Variants in DNAJC9 observed in about 807,000 individuals in gnomAD.
DNAJC9 encodes DnaJ heat shock protein family (Hsp40) member C9, also known as dnaJ homolog subfamily C member 9.
In DNAJC9, 18 loss-of-function variants were observed where a neutral mutation model predicts 32.4. The observed-to-expected ratio is 0.56, with a 90% CI of 0.38 to 0.82. The LOEUF (loss-of-function observed/expected upper bound fraction) is 0.82. Ranked by LOEUF, DNAJC9 falls within the 40% of genes least tolerant of loss-of-function variation. The pLI is 0.00. For missense variants in DNAJC9, 310 were observed against 321.8 expected, an observed-to-expected ratio of 0.96 and a Z score of 0.28; for synonymous variants, 113 against 122.1, an observed-to-expected ratio of 0.93 and a Z score of 0.49.
At chr10:73,245,848 TCTA>T in intron 3 of DNAJC9, 71 bp downstream of exon 3, 1 of 1,553,690 alleles carries the variant, frequency 6.4e-7, no homozygotes, top group Non-Finnish European at 8.7e-7. Context: ...TATGTTTACT[TCTA>T]CTGCTGTAAA....
intron 3 of DNAJC9, chr10:73,244,544 T>C (rs1023615719): frequency 1.3e-5 from 2 of 148,868 alleles, no homozygotes; most frequent in Non-Finnish European, 1.5e-5. Context: ...ATTGCCAGGA[T>C]ACAGGTATTT....
At chr10:73,240,000 CTGT>C (rs2043905585), downstream of DNAJC9, among the ~76,000 whole-genome samples, 5 of 152,214 alleles carry the variant, frequency 3.3e-5, no homozygotes, top group Non-Finnish European at 7.3e-5. Flanking sequence ...TCATGGCTCA[CTGT>C]AGCCTCGAAC....
downstream of DNAJC9, chr10:73,235,567 C>T (rs1289449158): frequency 1.4e-6 from 1 of 714,272 alleles, no homozygotes; most frequent in East Asian, 4.2e-5. Context: ...TATGTCTGAC[C>T]ACAAGCAAGA....
rs761073915 is a variant in DNAJC9 at position 73,246,677 on chromosome 10, G to A, written c.321+11C>T. The A allele has an allele frequency of 6.2e-6, 10 of 1,613,748 alleles. No homozygotes were observed. The highest frequency in any genetic ancestry group is 1.3e-5 in the African/African-American group (1 of 74,910). On this transcript the variant is annotated intron_variant, in intron 2 of 4. Transcript: ENST00000372950. ...GGTAACAGTCACAAAGAAACCTCCA[G>A]AGTCCTTTACCTTTTTAAAGAGTAG...
downstream of DNAJC9, among the ~76,000 whole-genome samples, chr10:73,237,421 C>T (rs1254041234): frequency 2.7e-5 from 4 of 145,862 alleles, no homozygotes; most frequent in African/African-American, 7.5e-5. Context: ...TTCTCTGAAA[C>T]TTTTTTTTTT....
At chr10:73,236,881 A>G (rs868036962), downstream of DNAJC9, among the ~76,000 whole-genome samples, 2 of 151,104 alleles carry the variant, frequency 1.3e-5, no homozygotes, top group African/African-American at 4.9e-5. Flanking sequence ...ATGCCCTGCT[A>G]ATTTTTTTAT....
downstream of DNAJC9, among the ~76,000 whole-genome samples, chr10:73,236,754 A>T (rs1589196846): frequency 1.5e-5 from 2 of 129,220 alleles, no homozygotes; most frequent in African/African-American, 6.0e-5. Context: ...ACAGGGTCTC[A>T]CTCTGTTGCC....
intron 3 of DNAJC9, chr10:73,244,217 C>A (rs527789421): frequency 1.3e-4 from 47 of 355,902 alleles, no homozygotes; most frequent in Admixed American, 5.1e-4. Flanking sequence ...AACATGAGGC[C>A]GGGTATGGTG....
chr10:73,233,391 A>G (rs1273152639), intron 2 of DNAJC9, among the ~76,000 whole-genome samples: 1 of 151,950 alleles, frequency 6.6e-6, no homozygotes, highest in Non-Finnish European at 1.5e-5. Context: ...CCCAGGCTGG[A>G]GTGCAGTGGA....
intron 2 of DNAJC9, chr10:73,232,831 A>T (rs538787417): frequency 8.5e-5 from 57 of 668,074 alleles, no homozygotes; most frequent in Non-Finnish European, 8.9e-5. Context: ...TTTTTGCTTT[A>T]TTTCCCCCTA....
downstream of DNAJC9, chr10:73,235,609 T>A (rs978264513): frequency 5.0e-6 from 2 of 402,596 alleles, no homozygotes; most frequent in African/African-American, 4.2e-5. Flanking sequence ...CAGATAAGCA[T>A]AACTTTATTA....
chr10:73,247,069 G>A lies in DNAJC9; in HGVS notation c.121C>T (p.Gln41Ter), dbSNP rs764072358. 4 of 1,589,082 alleles carry A rather than the reference G, an allele frequency of 2.5e-6. No individual in the cohort carries two copies. The highest frequency in any genetic ancestry group is 1.3e-5 in the African/African-American group (1 of 74,268). ...VRRGYHKVSLQVHPDRVGEGD... is the reference protein window; with the variant it reads ...VRRGYHKVSL ...TCACCCACCCGGTCCGGGTGTACCT[G>A]CAGGGACACCTTGTGGTAGCCTCGT... The change falls in exon 1 of 5, where the codon CAG becomes TAG. Residue 41 changes from glutamine to a stop codon, truncating the protein, a stop_gained. Coordinates refer to ENST00000372950, the MANE Select transcript of DNAJC9 (RefSeq NM_015190.5). LOFTEE classifies it high-confidence loss of function.
chr10:73,244,637 CCAGTAGTCA>C (rs2043987445), intron 3 of DNAJC9: 1 of 150,292 alleles, frequency 6.7e-6, no homozygotes, highest in Non-Finnish European at 1.5e-5. Context: ...TGACTTCTCC[CCAGTAGTCA>C]GAAGAACCAA....
chr10:73,240,711 CT>C (rs1205778123), downstream of DNAJC9, among the ~76,000 whole-genome samples: 13 of 148,190 alleles, frequency 8.8e-5, no homozygotes, highest in African/African-American at 2.8e-4. Context: ...GAGACTCCAC[CT>C]CCAAAAAAAA....
Position 73,243,184 on chromosome 10 carries a change from T to A in DNAJC9, c.*216A>T, listed in dbSNP as rs1291283411. ...CACCCTCCCAAATGTCACCACCAAG[T>A]TCCTTCAGGTGAGACCTCACACAAT... On this transcript the variant is annotated 3_prime_UTR_variant, in exon 5 of 5. Coordinates refer to ENST00000372950, the MANE Select transcript of DNAJC9 (RefSeq NM_015190.5). 1.9e-6 allele frequency: 1 copy of A among 516,226 alleles called. No individual in the cohort carries two copies. Among genetic ancestry groups the A allele is most frequent in the Non-Finnish European group, 3.4e-6 (1 of 291,642 alleles). 32.0% of individuals were successfully genotyped at this position (516,226 alleles called of 1,614,324 possible).
At chr10:73,245,711 A>G (rs563237811) in intron 3 of DNAJC9, among the ~76,000 whole-genome samples, 1 of 152,332 alleles carries the variant, frequency 6.6e-6, no homozygotes, top group Non-Finnish European at 1.5e-5. Flanking sequence ...TATTTAAACA[A>G]TCTATGCAAT....
rs569083417 is a variant in DNAJC9, at chr10:73,246,998, G to A, written c.180+12C>T. The A allele has an allele frequency of 8.7e-5, 136 of 1,560,322 alleles. No homozygotes were observed. The South Asian group carries it at 1.3e-3, about 15-fold the overall frequency. ...GCGCAGCCGGTCGGCTTCGGGGCGG[G>A]ACCCTGCATACCTGGAAGCGGCGGG... On this transcript the variant is annotated intron_variant, in intron 1 of 4. Coordinates refer to ENST00000372950, the MANE Select transcript of DNAJC9 (RefSeq NM_015190.5).
chr10:73,239,382 C>G, downstream of DNAJC9: 1 of 1,551,300 alleles, frequency 6.4e-7, no homozygotes, highest in Non-Finnish European at 8.7e-7. Flanking sequence ...AGGGGATCTG[C>G]AGGTAAAGGT....
At chr10:73,243,778 C>T (rs2043978538) in intron 4 of DNAJC9, 65 bp downstream of exon 4, 1 of 1,435,302 alleles carries the variant, frequency 7.0e-7, no homozygotes, top group Non-Finnish European at 9.7e-7. Flanking sequence ...ATACAACATT[C>T]CAAAGAAAAT....
Sources: allele counts gnomAD v4.1 joint callset (sites outside exome capture counted in the v4.1 genomes callset), GRCh38; gene constraint gnomAD v4.1.1; transcripts MANE v1.5; gene names NCBI Gene and HGNC (gene_info 2026-07-23, HGNC 2026-07-21).